FARS2: variants seen among roughly 807,000 people sequenced by gnomAD.
FARS2 encodes phenylalanine--tRNA ligase, mitochondrial.
FARS2 carries 40 observed loss-of-function variants against 46.4 expected under a neutral mutation model. The observed-to-expected ratio is 0.86, with a 90% CI of 0.67 to 1.12. FARS2 has a LOEUF of 1.12. FARS2 is among the 50% of genes most tolerant of loss of function. The pLI, the probability that FARS2 is intolerant of heterozygous loss-of-function variation, is 0.00. For missense variants in FARS2, 513 were observed against 567.9 expected (o/e 0.90, Z 0.98); for synonymous variants, 234 against 214.9 (o/e 1.09, Z -0.78).
intron 1 of FARS2, among the ~76,000 whole-genome samples, chr6:5,342,709 G>A (rs1447118812): frequency 2.0e-5 from 3 of 151,038 alleles, no homozygotes; most frequent in East Asian, 3.9e-4. Context: ...CCGAGATCAC[G>A]CCATTGCCCT....
At chr6:5,521,084 T>C (rs1769103766) in intron 4 of FARS2, among the ~76,000 whole-genome samples, 1 of 152,182 alleles carries the variant, frequency 6.6e-6, no homozygotes, top group Admixed American at 6.5e-5. Flanking sequence ...TAGGAGTTCT[T>C]AGAAATCCTT....
At chr6:5,550,155 G>T (rs1013735625) in intron 5 of FARS2, among the ~76,000 whole-genome samples, 2 of 152,136 alleles carry the variant, frequency 1.3e-5, no homozygotes, top group African/African-American at 4.8e-5. Flanking sequence ...AAGAATCACT[G>T]GTTCCAAGCT....
upstream of FARS2, chr6:5,260,814 G>T: frequency 6.5e-7 from 1 of 1,527,758 alleles, no homozygotes; most frequent in Non-Finnish European, 8.7e-7. Context: ...CAGCCTGTGC[G>T]GAAACCACGA....
At chr6:5,625,934 C>T (rs73360260) in intron 6 of FARS2, among the ~76,000 whole-genome samples, 3,296 of 152,212 alleles carry the variant, frequency 0.022, 131 homozygotes, top group African/African-American at 0.074. Context: ...ATCCAGGCAT[C>T]CAGCAGGTCT....
intron 4 of FARS2, among the ~76,000 whole-genome samples, chr6:5,442,130 CA>C (rs1254450641): frequency 6.6e-6 from 1 of 152,002 alleles, no homozygotes; most frequent in Non-Finnish European, 1.5e-5. Context: ...TAAATTAAAT[CA>C]AATGGTATAT....
At chr6:5,531,101 G>C (rs1280683030) in intron 4 of FARS2, among the ~76,000 whole-genome samples, 1 of 152,042 alleles carries the variant, frequency 6.6e-6, no homozygotes, top group Non-Finnish European at 1.5e-5. Context: ...TAGTTCAGAA[G>C]GGCCTTTTTT....
At chr6:5,396,602 C>A (rs1245299277) in intron 2 of FARS2, among the ~76,000 whole-genome samples, 1 of 152,142 alleles carries the variant, frequency 6.6e-6, no homozygotes, top group East Asian at 1.9e-4. Flanking sequence ...CAACTAGACT[C>A]CACATAAAAT....
intron 4 of FARS2, among the ~76,000 whole-genome samples, chr6:5,499,938 A>G (rs769076999): frequency 4.2e-4 from 64 of 152,164 alleles, no homozygotes; most frequent in Non-Finnish European, 7.4e-4. Flanking sequence ...TGCCTTTTCA[A>G]TGCCTTCTTT....
At chr6:5,526,832 G>A (rs1769494630) in intron 4 of FARS2, among the ~76,000 whole-genome samples, 1 of 152,032 alleles carries the variant, frequency 6.6e-6, no homozygotes, top group Non-Finnish European at 1.5e-5. Flanking sequence ...GGCCAGGCTG[G>A]TCTCAAACTC....
intron 5 of FARS2, among the ~76,000 whole-genome samples, chr6:5,597,040 A>T (rs1315499424): frequency 6.6e-6 from 1 of 152,190 alleles, no homozygotes; most frequent in Non-Finnish European, 1.5e-5. Flanking sequence ...GGAAACCTGG[A>T]TGCAGAAAGC....
At chr6:5,642,118 G>A (rs552298166) in intron 6 of FARS2, among the ~76,000 whole-genome samples, 2 of 152,228 alleles carry the variant, frequency 1.3e-5, no homozygotes, top group South Asian at 2.1e-4. Flanking sequence ...ATACATATAT[G>A]TATGTGTATA....
At chr6:5,385,491 G>A (rs577770390) in intron 2 of FARS2, among the ~76,000 whole-genome samples, 33 of 150,784 alleles carry the variant, frequency 2.2e-4, no homozygotes, top group Non-Finnish European at 4.1e-4. Context: ...GCATGACCTC[G>A]GCTCACTGCA....
intron 3 of FARS2, 62 bp downstream of exon 3, chr6:5,404,763 G>GCTCAAACACAGGTTGAC: frequency 9.5e-7 from 1 of 1,056,654 alleles, no homozygotes; most frequent in Non-Finnish European, 1.3e-6. Context: ...GAAGTGTTTT[G>GCTCAAACACAGGTTGAC]GATTTGGGTT....
intron 4 of FARS2, among the ~76,000 whole-genome samples, chr6:5,474,067 G>T (rs1315064024): frequency 2.0e-5 from 3 of 152,102 alleles, no homozygotes; most frequent in Admixed American, 2.0e-4. Flanking sequence ...GTTCTGTGAA[G>T]GCAGGAAAAC....
chr6:5,766,906 A>G (rs143307715), intron 6 of FARS2, among the ~76,000 whole-genome samples: 1 of 151,218 alleles, frequency 6.6e-6, no homozygotes, highest in African/African-American at 2.4e-5. Flanking sequence ...ATTGTACAAT[A>G]TGTGTTCTAT....
chr6:5,477,069 C>T (rs1766167927), intron 4 of FARS2, among the ~76,000 whole-genome samples: 1 of 152,170 alleles, frequency 6.6e-6, no homozygotes, highest in Non-Finnish European at 1.5e-5. Flanking sequence ...ACTTCTCTTT[C>T]CTAGTTATTA....
intron 4 of FARS2, among the ~76,000 whole-genome samples, chr6:5,440,404 G>A (rs1194694903): frequency 6.6e-6 from 1 of 152,194 alleles, no homozygotes; most frequent in Non-Finnish European, 1.5e-5. Context: ...ACTGTGGATG[G>A]ATCTTTCTGG....
At chr6:5,612,077 A>G (rs1218260327) in intron 5 of FARS2, among the ~76,000 whole-genome samples, 1 of 152,190 alleles carries the variant, frequency 6.6e-6, no homozygotes, top group African/African-American at 2.4e-5. Flanking sequence ...AGGAACCAAT[A>G]TATTTTGTCA....
intron 6 of FARS2, among the ~76,000 whole-genome samples, chr6:5,691,272 T>A (rs1247385042): frequency 6.6e-6 from 1 of 152,248 alleles, no homozygotes; most frequent in Non-Finnish European, 1.5e-5. Flanking sequence ...GCTCTGATTT[T>A]TAGAGTTTCC....
Sources: gnomAD v4.1 joint callset for allele counts (sites outside exome capture counted in the v4.1 genomes callset) on GRCh38, gnomAD v4.1.1 for gene constraint, MANE v1.5 for transcripts, NCBI Gene and HGNC (gene_info 2026-07-23, HGNC 2026-07-21) for gene names.